Variants in DNAH5 observed in about 807,000 individuals in gnomAD.
DNAH5 encodes axonemal beta dynein heavy chain 5.
In DNAH5, 372 loss-of-function variants were observed where a neutral mutation model predicts 518.2. That is an observed-to-expected ratio of 0.72 (90% CI 0.66 to 0.78). The LOEUF (loss-of-function observed/expected upper bound fraction) is 0.78. Among genes scored for constraint, DNAH5 ranks in the 30% least tolerant of loss-of-function variants. The pLI is 0.00. For missense variants in DNAH5, 5,523 were observed against 5,687.0 expected (o/e 0.97, Z 0.93); for synonymous variants, 2,039 against 2,025.9 (o/e 1.01, Z -0.17).
At chr5:13,778,862 G>A (rs1370056521) in intron 53 of DNAH5, among the ~76,000 whole-genome samples, 6 of 152,196 alleles carry the variant, frequency 3.9e-5, no homozygotes, top group African/African-American at 7.2e-5. Context: ...CTGGCCCTTC[G>A]TCTCATCAGT....
chr5:13,816,666 T>C (rs1475898335), intron 42 of DNAH5, among the ~76,000 whole-genome samples: 1 of 152,234 alleles, frequency 6.6e-6, no homozygotes, highest in Non-Finnish European at 1.5e-5. Context: ...ATTCGATTTA[T>C]TTCCAGTAGA....
intron 32 of DNAH5, among the ~76,000 whole-genome samples, chr5:13,842,193 A>G (rs974758494): frequency 6.6e-6 from 1 of 151,880 alleles, no homozygotes; most frequent in African/African-American, 2.4e-5. Context: ...CAGCCCGGGC[A>G]ATATGGTGAA....
At position 13,714,624 on chromosome 5, in the gene DNAH5, A is replaced by G; in HGVS notation, c.12910-4T>C. The G allele has an allele frequency of 1.9e-6, 3 of 1,613,714 alleles. No individual in the cohort carries two copies. The highest frequency in any genetic ancestry group is 2.5e-6 in the Non-Finnish European group (3 of 1,179,942). ...GGCTGTCATAGGCAGGCAAACTCTG[A>G]ACAACAGACACCCCAGATAAGCACA... On this transcript the variant is annotated splice_polypyrimidine_tract_variant and splice_region_variant and intron_variant, in intron 74 of 78. Transcript: ENST00000265104.
intron 65 of DNAH5, among the ~76,000 whole-genome samples, chr5:13,746,004 T>C (rs1225030116): frequency 6.6e-6 from 1 of 152,150 alleles, no homozygotes; most frequent in Non-Finnish European, 1.5e-5. Flanking sequence ...TGAATCTTAA[T>C]ACAATTAACA....
At chr5:13,808,921 C>T in intron 46 of DNAH5, 123 bp downstream of exon 46, 3 of 1,214,696 alleles carry the variant, frequency 2.5e-6, no homozygotes, top group Non-Finnish European at 2.4e-6. Context: ...GATCGCGCCA[C>T]TGCACTCCAG....
At chr5:13,799,058 G>A (rs756303439) in intron 47 of DNAH5, among the ~76,000 whole-genome samples, 4 of 151,972 alleles carry the variant, frequency 2.6e-5, no homozygotes, top group Non-Finnish European at 4.4e-5. Context: ...GAGCCACTGT[G>A]CCTGGCCTCA....
intron 68 of DNAH5, among the ~76,000 whole-genome samples, chr5:13,730,808 C>A (rs1369339522): frequency 1.3e-5 from 2 of 151,584 alleles, no homozygotes; most frequent in African/African-American, 2.4e-5. Flanking sequence ...TCAAGCAATT[C>A]TCCTGCCTCA....
At chr5:13,967,709 T>A (rs1781617295) in intron 1 of DNAH5, among the ~76,000 whole-genome samples, 1 of 152,058 alleles carries the variant, frequency 6.6e-6, no homozygotes, top group Non-Finnish European at 1.5e-5. Flanking sequence ...ATTTTACGAT[T>A]GCTTTTTCCA....
chr5:13,814,446 C>T (rs1409658932), intron 43 of DNAH5, among the ~76,000 whole-genome samples, 159 bp downstream of exon 43: 3 of 152,204 alleles, frequency 2.0e-5, no homozygotes, highest in African/African-American at 7.2e-5. Flanking sequence ...TAGGAGCAAT[C>T]AGGGTTTGAA....
chr5:13,867,733 C>T (rs763202717), intron 25 of DNAH5, 41 bp downstream of exon 25: 6 of 1,470,012 alleles, frequency 4.1e-6, no homozygotes, highest in East Asian at 2.3e-5. Context: ...GTTGTATTCA[C>T]TCATCCCCGA....
At chr5:13,790,252 G>A (rs1008577624) in intron 50 of DNAH5, among the ~76,000 whole-genome samples, 1 of 152,290 alleles carries the variant, frequency 6.6e-6, no homozygotes, top group East Asian at 1.9e-4. Flanking sequence ...GCACGTGAAT[G>A]TTCATTGCAG....
chr5:13,837,412 G>C (rs1288229051), intron 35 of DNAH5, among the ~76,000 whole-genome samples: 1 of 152,180 alleles, frequency 6.6e-6, no homozygotes, highest in Non-Finnish European at 1.5e-5. Context: ...TCAGTAGAAA[G>C]TGAAAATGGA....
Position 13,962,975 on chromosome 5 carries a change from G to C in DNAH5, c.13-31731C>G, listed in dbSNP as rs568037687. 4.6e-5 allele frequency among the ~76,000 whole-genome samples: 7 copies of C among 152,218 alleles called. No individual in the cohort carries two copies. In the East Asian group the frequency reaches 1.4e-3, roughly 29 times the overall value. ...CCACAGCAGCGGTGCATCCACCACA[G>C]TCGCCGCGTCCCAAGAGCAGGGAGC... On this transcript the variant is annotated intron_variant, in intron 1 of 78. Transcript: ENST00000681290.
chr5:13,851,040 A>G (rs1184478901), intron 30 of DNAH5, among the ~76,000 whole-genome samples: 2 of 152,216 alleles, frequency 1.3e-5, no homozygotes, highest in Non-Finnish European at 2.9e-5. Flanking sequence ...TGGTACTCCC[A>G]TTATGTTAAG....
At chr5:13,972,767 G>A (rs1248371468) in intron 1 of DNAH5, among the ~76,000 whole-genome samples, 1 of 152,198 alleles carries the variant, frequency 6.6e-6, no homozygotes, top group African/African-American at 2.4e-5. Context: ...TGTTCCTGCA[G>A]TAGTTCTTGG....
At chr5:13,998,151 C>G (rs574096382) in intron 1 of DNAH5, among the ~76,000 whole-genome samples, 3 of 152,130 alleles carry the variant, frequency 2.0e-5, no homozygotes, top group Non-Finnish European at 4.4e-5. Context: ...GCCTATTTCT[C>G]ACAATTCTAG....
intron 53 of DNAH5, among the ~76,000 whole-genome samples, chr5:13,778,570 G>GAAAGAA (rs899849206): frequency 1.4e-5 from 1 of 71,918 alleles, no homozygotes; most frequent in Non-Finnish European, 3.0e-5. Context: ...AAGAAAGAAA[G>GAAAGAA]AAAGAAAGAA....
chr5:13,741,013 T>C (rs1465389430), intron 65 of DNAH5, among the ~76,000 whole-genome samples: 3 of 152,224 alleles, frequency 2.0e-5, no homozygotes, highest in African/African-American at 7.2e-5. Flanking sequence ...AGGCACTCCA[T>C]TAACACTGCA....
Position 13,829,576 on chromosome 5 carries a change from G to A in DNAH5, c.6378C>T (p.Asp2126=). 6.2e-7 allele frequency: 1 copy of A among 1,614,184 alleles called. No individual in the cohort carries two copies. The change falls in exon 38 of 79, where the codon GAC becomes GAT. Residue 2126 remains aspartate, a synonymous_variant. Coordinates refer to ENST00000265104, the MANE Select transcript of DNAH5 (RefSeq NM_001369.3). ...AAAACTTCCTGGCCAAAACAACGTTGTCAATGAAGCCACAACTAGCCAACT... is the reference window on the plus strand; with the variant it reads ...AAAACTTCCTGGCCAAAACAACGTTATCAATGAAGCCACAACTAGCCAACT... ...RVKLASCGFI[D]NVVLARKFFT... is the part of the protein sequence containing the mutation.
Sources: allele counts gnomAD v4.1 joint callset (sites outside exome capture counted in the v4.1 genomes callset), GRCh38; gene constraint gnomAD v4.1.1; transcripts MANE v1.5; gene names NCBI Gene and HGNC (gene_info 2026-07-23, HGNC 2026-07-21).